The following KCNN2 variants were observed in gnomAD, a reference collection of about 807,000 sequenced individuals.
KCNN2 encodes small conductance calcium-activated potassium channel protein 2.
Under a neutral mutation model 55.5 loss-of-function variants are expected in KCNN2, and 24 were observed. The observed-to-expected ratio is 0.43, with a 90% CI of 0.31 to 0.61. The LOEUF (loss-of-function observed/expected upper bound fraction) is 0.61, where lower values mean the gene tolerates loss of function less well. KCNN2 is among the 20% of genes least tolerant of loss of function. The pLI, the probability that KCNN2 is intolerant of heterozygous loss-of-function variation, is 0.08. For missense variants in KCNN2, 754 were observed against 853.6 expected, an observed-to-expected ratio of 0.88 and a Z score of 1.45; for synonymous variants, 431 against 336.1, an observed-to-expected ratio of 1.28 and a Z score of -3.09.
At chr5:114,462,222 G>A (rs1049555893) in intron 3 of KCNN2, among the ~76,000 whole-genome samples, 7 of 152,264 alleles carry the variant, frequency 4.6e-5, no homozygotes, top group Middle Eastern at 6.8e-3. Context: ...TTACTGTTTC[G>A]TACTGTTAAT....
At chr5:114,486,712 T>C (rs1402307358) in intron 5 of KCNN2, 1 of 1,288,008 alleles carries the variant, frequency 7.8e-7, no homozygotes, top group East Asian at 5.5e-5. Context: ...AGGAAGATCA[T>C]GGAGACAACA....
intron 1 of KCNN2, among the ~76,000 whole-genome samples, chr5:114,085,465 T>C (rs1750994931): frequency 6.6e-6 from 1 of 152,060 alleles, no homozygotes; most frequent in African/African-American, 2.4e-5. Flanking sequence ...AATGATATTG[T>C]GTTTTTAACT....
At chr5:114,366,472 G>A (rs1757606096) in intron 2 of KCNN2, among the ~76,000 whole-genome samples, 1 of 152,080 alleles carries the variant, frequency 6.6e-6, no homozygotes, top group African/African-American at 2.4e-5. Flanking sequence ...TTAAGCTGAA[G>A]CTCCAAATTC....
At chr5:114,484,986 T>A (rs749241371) in intron 5 of KCNN2, among the ~76,000 whole-genome samples, 3 of 152,198 alleles carry the variant, frequency 2.0e-5, no homozygotes, top group Admixed American at 6.6e-5. Context: ...GAGATTAAGA[T>A]TCTGTATTCC....
intron 5 of KCNN2, 81 bp downstream of exon 5, chr5:114,473,245 A>T (rs1376360182): frequency 1.1e-6 from 1 of 896,912 alleles, no homozygotes; most frequent in Admixed American, 2.0e-5. Context: ...TTATTTTGAC[A>T]TCCGAAGCTG....
intron 1 of KCNN2, among the ~76,000 whole-genome samples, chr5:114,136,037 T>G (rs1174794809): frequency 6.6e-6 from 1 of 152,074 alleles, no homozygotes; most frequent in East Asian, 1.9e-4. Context: ...TTTCCAGAAT[T>G]AAAGAATTGA....
intron 1 of KCNN2, among the ~76,000 whole-genome samples, chr5:114,134,334 CTTTTT>C (rs11443815): frequency 2.0e-5 from 3 of 147,816 alleles, no homozygotes; most frequent in Non-Finnish European, 3.0e-5. Flanking sequence ...ATTTAGAAAA[CTTTTT>C]TTTTTCTGGT....
intron 2 of KCNN2, among the ~76,000 whole-genome samples, chr5:114,374,274 A>AGGGGAATAATTTGGATGAT (rs1361374611): frequency 6.6e-6 from 1 of 152,172 alleles, no homozygotes; most frequent in Non-Finnish European, 1.5e-5. Flanking sequence ...AAAGTAAGCA[A>AGGGGAATAATTTGGATGAT]GGGGAATAAT....
chr5:114,160,560 T>G (rs915401553), intron 1 of KCNN2, among the ~76,000 whole-genome samples: 2 of 152,072 alleles, frequency 1.3e-5, no homozygotes, highest in African/African-American at 2.4e-5. Flanking sequence ...GGATATCCTT[T>G]TTAACTTTCT....
chr5:114,073,227 G>A (rs1445898522), intron 1 of KCNN2, among the ~76,000 whole-genome samples: 3 of 152,188 alleles, frequency 2.0e-5, no homozygotes, highest in Non-Finnish European at 2.9e-5. Flanking sequence ...TTAGACTGAG[G>A]AGTATAGCAT....
chr5:114,461,816 C>T (rs1375525290), intron 3 of KCNN2, among the ~76,000 whole-genome samples: 1 of 151,808 alleles, frequency 6.6e-6, no homozygotes, highest in Non-Finnish European at 1.5e-5. Context: ...GGAGCAGCCT[C>T]CTTGCCACCA....
At chr5:114,245,514 A>G (rs986586312) in intron 2 of KCNN2, among the ~76,000 whole-genome samples, 3 of 152,158 alleles carry the variant, frequency 2.0e-5, no homozygotes, top group African/African-American at 7.2e-5. Context: ...TCTATATCAA[A>G]AGTAAAGTTT....
intron 1 of KCNN2, among the ~76,000 whole-genome samples, chr5:114,095,430 G>C (rs575519045): frequency 1.3e-5 from 2 of 152,126 alleles, no homozygotes; most frequent in African/African-American, 4.8e-5. Context: ...TGAGCCTCAG[G>C]AGAAGAAGGT....
intron 1 of KCNN2, 137 bp downstream of exon 1, chr5:114,363,398 G>A (rs1757505478): frequency 9.0e-7 from 1 of 1,114,186 alleles, no homozygotes; most frequent in Non-Finnish European, 1.2e-6. Context: ...CAGCGGGCGC[G>A]TCTAGGACGC....
intron 1 of KCNN2, among the ~76,000 whole-genome samples, chr5:114,103,076 A>G (rs151230128): frequency 0.02 from 3,083 of 152,244 alleles, 113 homozygotes; most frequent in African/African-American, 0.071. Flanking sequence ...TGAGCATGGA[A>G]TATTTTTCCA....
At chr5:114,400,530 A>G (rs966411408) in intron 2 of KCNN2, among the ~76,000 whole-genome samples, 2 of 152,102 alleles carry the variant, frequency 1.3e-5, no homozygotes, top group African/African-American at 4.8e-5. Context: ...ATACCCTTCA[A>G]TGGGTTCCCA....
Position 114,354,316 on chromosome 5 carries a change from C to A in KCNN2, c.-184-6629C>A, listed in dbSNP as rs191597264. The stretch of plus-strand genomic sequence containing the variant: ...TGTTTGATGAGTCATTCCCATCATA[C>A]CTCCCTTTAACCATTCTTTATAGTT... On this transcript the variant is annotated intron_variant, in intron 2 of 10. Coordinates refer to the KCNN2 transcript ENST00000512097. 9.9e-5 allele frequency among the ~76,000 whole-genome samples: 15 copies of A among 152,124 alleles called. 1 individual carries two copies. Among genetic ancestry groups the A allele is most frequent in the Admixed American group, 4.6e-4 (7 of 15,278 alleles).
chr5:114,478,831 T>C (rs1762093124), intron 5 of KCNN2, among the ~76,000 whole-genome samples: 1 of 152,118 alleles, frequency 6.6e-6, no homozygotes, highest in Non-Finnish European at 1.5e-5. Flanking sequence ...TAAGATCCTT[T>C]CCAGACAAGC....
At chr5:114,392,794 G>GT (rs1580783723) in intron 2 of KCNN2, among the ~76,000 whole-genome samples, 2 of 133,806 alleles carry the variant, frequency 1.5e-5, no homozygotes, top group African/African-American at 5.4e-5. Context: ...CTTCTGTAGT[G>GT]TTTTTTGTGG....
Sources: allele counts gnomAD v4.1 joint callset (sites outside exome capture counted in the v4.1 genomes callset), GRCh38; gene constraint gnomAD v4.1.1; transcripts MANE v1.5; gene names NCBI Gene and HGNC (gene_info 2026-07-23, HGNC 2026-07-21).